The following PMS2 variants were observed in gnomAD, a reference collection of about 807,000 sequenced individuals.
PMS2 encodes the protein mismatch repair endonuclease PMS2.
In PMS2, 69 loss-of-function variants were observed where a neutral mutation model predicts 90.0. The ratio of observed to expected loss-of-function variants is 0.77; its 90% CI spans 0.63 to 0.94. The LOEUF is 0.94. Ranked by LOEUF, PMS2 falls within the 40% of genes least tolerant of loss-of-function variation. The pLI, the probability that PMS2 is intolerant of heterozygous loss-of-function variation, is 0.00. For missense variants in PMS2, 966 were observed against 1,040.2 expected (o/e 0.93, Z 0.98); for synonymous variants, 332 against 375.1 (o/e 0.89, Z 1.33).
chr7:5,993,308 T>G (rs1286004327), intron 8 of PMS2, among the ~76,000 whole-genome samples: 2 of 146,856 alleles, frequency 1.4e-5, no homozygotes, highest in Non-Finnish European at 3.0e-5. Flanking sequence ...GAGGGAGAGC[T>G]TGCAGTGAGC....
chr7:6,007,367 C>T (rs1016731707), intron 1 of PMS2, among the ~76,000 whole-genome samples: 3 of 152,082 alleles, frequency 2.0e-5, no homozygotes, highest in East Asian at 1.9e-4. Flanking sequence ...CCGCCTGCCT[C>T]GGCCTCCCAA....
intron 8 of PMS2, 120 bp from the exon 9 acceptor site, chr7:5,992,177 T>G (rs1279116576): frequency 1.2e-5 from 8 of 662,712 alleles, no homozygotes; most frequent in Non-Finnish European, 2.2e-5. Flanking sequence ...TTTTTTGTTT[T>G]TTTTTTTTTT....
Position 5,992,063 on chromosome 7 carries a change from C to T in PMS2, c.904-6G>A, listed in dbSNP as rs1172293746. 2.0e-6 allele frequency: 3 copies of T among 1,472,800 alleles called. No homozygotes were observed. Among genetic ancestry groups the T allele is most frequent in the Non-Finnish European group, 2.9e-6 (3 of 1,051,586 alleles). 91.2% of individuals were successfully genotyped at this position (1,472,800 alleles called of 1,614,324 possible). Reference sequence around the variant, plus strand: ...TCATTCACGAGTCTGCAGACCTGCACAAAATACAAGGAGTAGAAAAGAATA... The same window carrying T: ...TCATTCACGAGTCTGCAGACCTGCATAAAATACAAGGAGTAGAAAAGAATA... On this transcript the variant is annotated splice_polypyrimidine_tract_variant and splice_region_variant and intron_variant, in intron 8 of 14. Coordinates refer to ENST00000265849, the MANE Select transcript of PMS2 (RefSeq NM_000535.7).
intron 10 of PMS2, among the ~76,000 whole-genome samples, 172 bp from the exon 11 acceptor site, chr7:5,987,792 C>T (rs560599396): frequency 1.3e-5 from 2 of 152,112 alleles, no homozygotes; most frequent in Non-Finnish European, 1.5e-5. Flanking sequence ...TGGTGGCTTA[C>T]GCCTGTTATC....
chr7:6,006,631 C>G (rs1222826293), intron 1 of PMS2, among the ~76,000 whole-genome samples: 2 of 148,312 alleles, frequency 1.3e-5, no homozygotes, highest in Admixed American at 1.3e-4. Context: ...CCAGCCTGGG[C>G]AACGAGCAAA....
chr7:6,000,017 G>A (rs1229805826), intron 5 of PMS2, among the ~76,000 whole-genome samples: 1 of 151,970 alleles, frequency 6.6e-6, no homozygotes, highest in Non-Finnish European at 1.5e-5. Flanking sequence ...TAGCGCAGCA[G>A]AATGACAACA....
At chr7:5,979,643 C>T (rs113631808) in intron 12 of PMS2, among the ~76,000 whole-genome samples, 6,379 of 111,712 alleles carry the variant, frequency 0.057, 253 homozygotes, top group East Asian at 0.19. Context: ...ATCTCCATCC[C>T]TCTCTCCTCC....
rs1185800088 is a variant in PMS2, at chr7:5,989,795, CTT to C, written c.1144+3_1144+4del. 1 of 1,609,500 alleles carries C rather than the reference CTT, an allele frequency of 6.2e-7. No individual in the cohort carries two copies. ...GAAGCTGTTTGTACACTGTATTTTT[CTT>C]ACCTTCAACATCCAGCAGTGGCTGC... On this transcript the variant is annotated splice_donor_region_variant and intron_variant, in intron 10 of 14. Transcript: ENST00000265849.
chr7:5,995,239 G>A (rs775066592), intron 8 of PMS2, among the ~76,000 whole-genome samples: 54 of 152,114 alleles, frequency 3.5e-4, no homozygotes, highest in Non-Finnish European at 5.7e-4. Context: ...GTTTTGTCAT[G>A]TTGGCCAGGC....
rs1262965478 is a variant in PMS2, at chr7:6,007,112, ATTG to A, written c.24-1084_24-1082del. Among the ~76,000 whole-genome samples the A allele has an allele frequency of 6.0e-4, 69 of 115,918 alleles. 1 individual carries two copies. The highest frequency in any genetic ancestry group is 2.0e-3 in the African/African-American group (64 of 31,272). 76.0% of individuals were successfully genotyped at this position (115,918 alleles called of 152,430 possible). ...CATTATTATTATTATTATTATTATT[ATTG>A]TTATTATTGTTATTATTTGAGACAG... On this transcript the variant is annotated intron_variant, in intron 1 of 14. Coordinates refer to ENST00000265849, the MANE Select transcript of PMS2 (RefSeq NM_000535.7).
chr7:5,997,176 T>C (rs1037310089), intron 7 of PMS2, 150 bp downstream of exon 7: 2 of 632,504 alleles, frequency 3.2e-6, no homozygotes, highest in African/African-American at 1.9e-5. Flanking sequence ...ATAGCACCAT[T>C]GCACTCCAGC....
rs530993704 is a variant in PMS2 at position 5,995,560 on chromosome 7, T to C, written c.877A>G (p.Asn293Asp). The part of the protein sequence containing the change: ...SSTDRQFFFI[N>D]RRPCDPAKVC... The stretch of plus-strand genomic sequence containing the variant: ...TTTGCTGGGTCACAAGGCCGCCGGT[T>C]GATAAAGAAAAACTGTCTGTCTGTT... The change falls in exon 8 of 15, where the codon AAC (asparagine) becomes GAC (aspartate). Residue 293 changes from asparagine to aspartate, a missense_variant. By Grantham distance (23) the Asn-to-Asp change is conservative. Transcript: ENST00000265849. 1.5e-5 allele frequency: 25 copies of C among 1,613,894 alleles called. No individual in the cohort carries two copies. In the Admixed American group the frequency reaches 2.3e-4, roughly 15 times the overall value.
intron 10 of PMS2, among the ~76,000 whole-genome samples, chr7:5,988,507 G>A (rs564292212): frequency 5.9e-5 from 9 of 152,232 alleles, no homozygotes; most frequent in African/African-American, 1.9e-4. Context: ...GGGTTGCAGC[G>A]AGCCAAGATC....
chr7:5,976,930 CAG>C (rs1316851802), intron 14 of PMS2, among the ~76,000 whole-genome samples: 1 of 125,288 alleles, frequency 8.0e-6, no homozygotes, highest in African/African-American at 2.8e-5. Flanking sequence ...ACTTGGGAGA[CAG>C]AGAGAGGAGG....
rs955011508 is a variant in PMS2 at position 5,972,830 on chromosome 7, TTTTTTTTG to T, written c.*561_*568del. 1.3e-5 allele frequency among the ~76,000 whole-genome samples: 1 copy of T among 76,182 alleles called. No homozygotes were observed. The highest frequency in any genetic ancestry group is 6.5e-5 in the African/African-American group (1 of 15,334). 50.0% of individuals were successfully genotyped at this position (76,182 alleles called of 152,430 possible). ...TAACTTCCAAAGTGGTTTGGTTTTT[TTTTTTTTG>T]TTTTGTTTTGTTTTGTTTTTTGAGA... On this transcript the variant is annotated 3_prime_UTR_variant, in exon 15 of 15. Coordinates refer to ENST00000265849, the MANE Select transcript of PMS2 (RefSeq NM_000535.7).
Position 5,986,763 on chromosome 7 carries a change from T to A in PMS2, c.2002A>T (p.Ile668Leu), listed in dbSNP as rs869320619. The change falls in exon 11 of 15, where the codon ATA becomes TTA. Residue 668 changes from isoleucine (I) to leucine (L), a missense_variant. Ile to Leu is a conservative substitution (Grantham distance 5). This residue lies in a region of PMS2 where 95 missense variants were observed against 237.8 expected (regional missense o/e 0.40). Transcript: ENST00000265849. ...QAAEDELRKEISKTMFAEMEI... is the reference protein window; with the variant it reads ...QAAEDELRKELSKTMFAEMEI... ...AGTAAAAAATTAAAACTTTACCTTA[T>A]CTCTTTTCTTAGTTCATCTTCGGCT... 1 of 1,590,384 alleles carries A rather than the reference T, an allele frequency of 6.3e-7. No individual in the cohort carries two copies. The highest frequency in any genetic ancestry group is 2.2e-5 in the East Asian group (1 of 44,642).
At chr7:6,007,520 G>A (rs1420831987) in intron 1 of PMS2, among the ~76,000 whole-genome samples, 2 of 152,050 alleles carry the variant, frequency 1.3e-5, no homozygotes, top group African/African-American at 4.8e-5. Context: ...TTCCTCCTCT[G>A]CCCAAACAAT....
At chr7:5,983,048 G>A (rs1162031096) in intron 11 of PMS2, 57 bp from the exon 12 acceptor site, 25 of 1,542,386 alleles carry the variant, frequency 1.6e-5, no homozygotes, top group Middle Eastern at 2.2e-4. Flanking sequence ...TTCTGATTAT[G>A]TTATAGAACA....
chr7:5,990,831 T>C (rs988300680), intron 9 of PMS2, among the ~76,000 whole-genome samples: 8 of 152,136 alleles, frequency 5.3e-5, no homozygotes, highest in Admixed American at 4.6e-4. Flanking sequence ...CTGGCCAACA[T>C]GGCGAAACCC....
Sources: allele counts gnomAD v4.1 joint callset (sites outside exome capture counted in the v4.1 genomes callset), GRCh38; gene constraint gnomAD v4.1.1; regional missense constraint gnomAD v4.1.1; transcripts MANE v1.5; gene names NCBI Gene and HGNC (gene_info 2026-07-23, HGNC 2026-07-21).